DLGAP1: variants seen among roughly 807,000 people sequenced by gnomAD.
DLGAP1 encodes disks large-associated protein 1.
In DLGAP1, 11 loss-of-function variants were observed where a neutral mutation model predicts 90.8. That is an observed-to-expected ratio of 0.12 (90% CI 0.08 to 0.20). The LOEUF is 0.20. DLGAP1 is among the 10% of genes least tolerant of loss of function. DLGAP1 has a pLI of 1.00. For missense variants in DLGAP1, 1,050 were observed against 1,333.8 expected (o/e 0.79, Z 3.31); for synonymous variants, 558 against 540.7 (o/e 1.03, Z -0.44).
At chr18:4,126,884 C>T (rs2076240703) in intron 2 of DLGAP1, among the ~76,000 whole-genome samples, 1 of 152,162 alleles carries the variant, frequency 6.6e-6, no homozygotes, top group African/African-American at 2.4e-5. Flanking sequence ...TTAATGAAAC[C>T]TTTCTCCCTC....
intron 10 of DLGAP1, among the ~76,000 whole-genome samples, chr18:3,533,044 C>A (rs150987120): frequency 6.6e-6 from 1 of 152,068 alleles, no homozygotes; most frequent in Non-Finnish European, 1.5e-5. Context: ...GTAATCCCAG[C>A]GCTTTGGGAG....
At chr18:3,743,393 CA>C (rs756226218) in intron 5 of DLGAP1, among the ~76,000 whole-genome samples, 1 of 151,586 alleles carries the variant, frequency 6.6e-6, no homozygotes, top group East Asian at 1.9e-4. Flanking sequence ...CTTGCTGTGT[CA>C]CCCAGGCTGG....
chr18:3,831,335 C>A (rs1344846289), intron 4 of DLGAP1, among the ~76,000 whole-genome samples: 2 of 152,052 alleles, frequency 1.3e-5, no homozygotes, highest in Non-Finnish European at 2.9e-5. Flanking sequence ...GATCACCAAT[C>A]CTTTTTTTTT....
chr18:3,952,421 C>T (rs1165541426), intron 3 of DLGAP1, among the ~76,000 whole-genome samples: 1 of 152,188 alleles, frequency 6.6e-6, no homozygotes, highest in African/African-American at 2.4e-5. Flanking sequence ...ACACTATTGA[C>T]CACTCCCCCT....
intron 3 of DLGAP1, among the ~76,000 whole-genome samples, chr18:3,992,171 T>C (rs2073982631): frequency 6.6e-6 from 1 of 152,222 alleles, no homozygotes; most frequent in South Asian, 2.1e-4. Flanking sequence ...GGTTTACTCA[T>C]ATTGGTCCCC....
intron 7 of DLGAP1, among the ~76,000 whole-genome samples, chr18:3,674,175 G>A (rs2060201466): frequency 6.6e-6 from 1 of 151,784 alleles, no homozygotes; most frequent in Non-Finnish European, 1.5e-5. Flanking sequence ...CCATTGCCAG[G>A]CATGGTGGCG....
At position 4,057,004 on chromosome 18, in the gene DLGAP1, TACACACACACACACACACAC is replaced by T. The variant is rs55887550; in HGVS notation, c.-158-51823_-158-51804del. ...GCATTTATTAGCAACTGACCATACA[TACACACACACACACACACAC>T]ACACACACACACACACACACACACA... On this transcript the variant is annotated intron_variant, in intron 2 of 12. Coordinates refer to ENST00000315677, the MANE Select transcript of DLGAP1 (RefSeq NM_004746.4). 3.8e-3 allele frequency among the ~76,000 whole-genome samples: 436 copies of T among 115,098 alleles called. 3 individuals carry two copies. The highest frequency in any genetic ancestry group is 0.011 in the African/African-American group (341 of 30,864). The allele number at this position is 115,098 out of a possible 152,430, so 75.5% of individuals were successfully genotyped here. A position where few individuals can be genotyped will look rare whatever the true frequency, so the allele number is the denominator to read the frequency against.
Position 4,404,394 on chromosome 18 carries a change from A to G in DLGAP1, c.-267+50612T>C, listed in dbSNP as rs1017552340. ...CTGAGTTTACATTTGCTGAGCACAC[A>G]CTAGCTGCTCTGGAGACCGCAAGAA... On this transcript the variant is annotated intron_variant, in intron 1 of 12. Coordinates refer to ENST00000315677, the MANE Select transcript of DLGAP1 (RefSeq NM_004746.4). 5.9e-5 allele frequency among the ~76,000 whole-genome samples: 9 copies of G among 152,316 alleles called. No individual in the cohort carries two copies. The East Asian group carries it at 1.7e-3, about 29-fold the overall frequency.
chr18:4,106,140 T>C (rs1322064409), intron 2 of DLGAP1, among the ~76,000 whole-genome samples: 1 of 151,986 alleles, frequency 6.6e-6, no homozygotes, highest in African/African-American at 2.4e-5. Flanking sequence ...AGTTGGTAAC[T>C]GTCTCTAGCT....
Position 4,151,267 on chromosome 18 carries a change from G to A in DLGAP1, c.-246C>T, listed in dbSNP as rs1007885482. On this transcript the variant is annotated 5_prime_UTR_variant, in exon 2 of 13. Transcript: ENST00000315677. ...TTTTTTTTAACCTGATGTCACTCTG[G>A]GTATCTGATGTTCAACTGCTCTGAA... The A allele has an allele frequency of 2.6e-5, 4 of 151,870 alleles. No individual in the cohort carries two copies. The highest frequency in any genetic ancestry group is 4.4e-5 in the Non-Finnish European group (3 of 67,992). The allele number at this position is 151,870 out of a possible 1,614,324, so 9.4% of individuals were successfully genotyped here.
At position 3,831,068 on chromosome 18, in the gene DLGAP1, G is replaced by A. The variant is rs530238587; in HGVS notation, c.958-16795C>T. Among the ~76,000 whole-genome samples the A allele has an allele frequency of 2.0e-5, 3 of 152,198 alleles. No individual in the cohort carries two copies. The East Asian group carries it at 5.8e-4, about 29-fold the overall frequency. The stretch of plus-strand genomic sequence containing the variant: ...AGGGATCATGGAGGAACACATCTCC[G>A]TGCACGAAGTTGCTGGTGCATGTGT... On this transcript the variant is annotated intron_variant, in intron 4 of 12. Transcript: ENST00000315677.
At chr18:4,373,253 TG>T (rs2081952941) in intron 1 of DLGAP1, among the ~76,000 whole-genome samples, 1 of 151,960 alleles carries the variant, frequency 6.6e-6, no homozygotes, top group Non-Finnish European at 1.5e-5. Flanking sequence ...GAGAAAGTCA[TG>T]AAGTCCTGAG....
At chr18:4,318,638 C>A (rs1598888741) in intron 1 of DLGAP1, among the ~76,000 whole-genome samples, 2 of 152,224 alleles carry the variant, frequency 1.3e-5, no homozygotes, top group East Asian at 3.9e-4. Context: ...ATAGCAAGGT[C>A]TCCTTTATTT....
intron 4 of DLGAP1, among the ~76,000 whole-genome samples, chr18:3,837,947 A>G (rs1296503990): frequency 6.6e-6 from 1 of 151,394 alleles, no homozygotes; most frequent in Admixed American, 6.6e-5. Context: ...TAGTTTGGAA[A>G]AGAACCATTT....
chr18:3,666,422 T>G (rs1204176262), intron 7 of DLGAP1, among the ~76,000 whole-genome samples: 1 of 152,176 alleles, frequency 6.6e-6, no homozygotes, highest in African/African-American at 2.4e-5. Flanking sequence ...AGACCCGAGT[T>G]TCCTAGGATT....
intron 7 of DLGAP1, among the ~76,000 whole-genome samples, chr18:3,633,149 G>A (rs1449792850): frequency 6.6e-6 from 1 of 152,186 alleles, no homozygotes; most frequent in Non-Finnish European, 1.5e-5. Context: ...TGTAATCCCA[G>A]CACTCTGGGA....
In DLGAP1 at chr18:4,032,276, T is replaced by C. The variant is rs571914103; in HGVS notation, c.-158-27075A>G. Among the ~76,000 whole-genome samples, 7 of 152,314 alleles carry C rather than the reference T, an allele frequency of 4.6e-5. No individual in the cohort carries two copies. The East Asian group carries it at 1.2e-3, about 25-fold the overall frequency. Reference sequence around the variant, plus strand: ...GTGAGGTAAAACAAGCTTTGATGTCTTTTGGAGATTCATCATGCAACTACT... The same window carrying C: ...GTGAGGTAAAACAAGCTTTGATGTCCTTTGGAGATTCATCATGCAACTACT... On this transcript the variant is annotated intron_variant, in intron 2 of 12. Coordinates refer to ENST00000315677, the MANE Select transcript of DLGAP1 (RefSeq NM_004746.4).
At chr18:3,723,401 C>T (rs1405176817) in intron 7 of DLGAP1, among the ~76,000 whole-genome samples, 2 of 152,218 alleles carry the variant, frequency 1.3e-5, no homozygotes, top group African/African-American at 2.4e-5. Context: ...CTAGGAAAGT[C>T]AGCTTGATTA....
At chr18:4,414,397 A>G (rs1329615352) in intron 1 of DLGAP1, among the ~76,000 whole-genome samples, 1 of 152,194 alleles carries the variant, frequency 6.6e-6, no homozygotes, top group Non-Finnish European at 1.5e-5. Context: ...TAAATAAGCA[A>G]TGTCATTATG....
Sources: allele counts gnomAD v4.1 joint callset (sites outside exome capture counted in the v4.1 genomes callset), GRCh38; gene constraint gnomAD v4.1.1; transcripts MANE v1.5; gene names NCBI Gene and HGNC (gene_info 2026-07-23, HGNC 2026-07-21).